Variants in MYLK observed in about 807,000 individuals in gnomAD.
MYLK encodes the protein myosin light chain kinase, smooth muscle.
In MYLK, 106 loss-of-function variants were observed where a neutral mutation model predicts 203.4. That is an observed-to-expected ratio of 0.52 (90% CI 0.45 to 0.61). The LOEUF (loss-of-function observed/expected upper bound fraction) is 0.61. Among genes scored for constraint, MYLK ranks in the 20% least tolerant of loss-of-function variants. The pLI, the probability that MYLK is intolerant of heterozygous loss-of-function variation, is 0.00. For missense variants in MYLK, 2,072 were observed against 2,442.3 expected (o/e 0.85, Z 3.20); for synonymous variants, 867 against 959.5 (o/e 0.90, Z 1.78).
intron 13 of MYLK, among the ~76,000 whole-genome samples, chr3:123,721,496 T>C (rs1200871475): frequency 6.6e-6 from 1 of 152,176 alleles, no homozygotes; most frequent in Non-Finnish European, 1.5e-5. Flanking sequence ...ACTAAGTGCT[T>C]GGCTGATGAA....
intron 1 of MYLK, among the ~76,000 whole-genome samples, chr3:123,879,938 G>A (rs2033420861): frequency 6.6e-6 from 1 of 152,186 alleles, no homozygotes; most frequent in African/African-American, 2.4e-5. Flanking sequence ...ACAGGCGTGA[G>A]CCACCGTGCC....
At chr3:123,661,007 G>A (rs1235601269) in intron 23 of MYLK, among the ~76,000 whole-genome samples, 3 of 152,188 alleles carry the variant, frequency 2.0e-5, no homozygotes, top group Admixed American at 6.5e-5. Context: ...AGTTCTTTGA[G>A]GGGGAGGCAG....
chr3:123,754,561 G>T (rs1379071312), intron 4 of MYLK, among the ~76,000 whole-genome samples: 1 of 152,178 alleles, frequency 6.6e-6, no homozygotes, highest in Non-Finnish European at 1.5e-5. Flanking sequence ...CAAAACAAGT[G>T]TTCCAGAACT....
At chr3:123,830,865 G>A (rs540289251) in intron 3 of MYLK, among the ~76,000 whole-genome samples, 1 of 152,118 alleles carries the variant, frequency 6.6e-6, no homozygotes. Flanking sequence ...AATCCCAAAC[G>A]ATCACCCACA....
intron 2 of MYLK, among the ~76,000 whole-genome samples, chr3:123,872,952 C>G (rs2032900239): frequency 6.6e-6 from 1 of 152,014 alleles, no homozygotes; most frequent in Non-Finnish European, 1.5e-5. Flanking sequence ...ACAATCAGCC[C>G]CCATCCTGAA....
chr3:123,671,265 T>C (rs564162615), intron 20 of MYLK, among the ~76,000 whole-genome samples: 2 of 152,360 alleles, frequency 1.3e-5, no homozygotes, highest in South Asian at 4.1e-4. Flanking sequence ...AGGATCAGAA[T>C]TCCAGAGGGA....
At chr3:123,646,849 C>T (rs1215921363) in intron 27 of MYLK, 1 of 252,824 alleles carries the variant, frequency 4.0e-6, no homozygotes, top group African/African-American at 2.2e-5. Flanking sequence ...GGAAGCTGCC[C>T]TGTCCCTCCC....
intron 20 of MYLK, among the ~76,000 whole-genome samples, chr3:123,669,153 G>A (rs1200943354): frequency 6.6e-6 from 1 of 152,214 alleles, no homozygotes; most frequent in Non-Finnish European, 1.5e-5. Flanking sequence ...AGTGATCCCT[G>A]GCAGGGGCAC....
intron 29 of MYLK, among the ~76,000 whole-genome samples, chr3:123,637,665 T>C (rs2058689754): frequency 6.6e-6 from 1 of 152,176 alleles, no homozygotes; most frequent in African/African-American, 2.4e-5. Context: ...TGCTATGCCC[T>C]GAAGACAATG....
At chr3:123,878,317 T>C (rs904291297) in intron 1 of MYLK, among the ~76,000 whole-genome samples, 1 of 152,198 alleles carries the variant, frequency 6.6e-6, no homozygotes, top group Admixed American at 6.5e-5. Flanking sequence ...CCACGTCACA[T>C]AGCAGAAGAC....
intron 24 of MYLK, among the ~76,000 whole-genome samples, chr3:123,656,816 AG>A (rs1336832718): frequency 6.6e-6 from 1 of 152,242 alleles, no homozygotes; most frequent in East Asian, 1.9e-4. Context: ...GGAGAAGAGA[AG>A]GGGTGGAGGG....
At chr3:123,718,201 C>T (rs1487519370) in intron 13 of MYLK, among the ~76,000 whole-genome samples, 1 of 152,132 alleles carries the variant, frequency 6.6e-6, no homozygotes, top group African/African-American at 2.4e-5. Context: ...AGATTTCCTG[C>T]ACACCCTAAT....
Position 123,620,246 on chromosome 3 carries a change from G to A in MYLK, c.5329C>T (p.Pro1777Ser), listed in dbSNP as rs748200926. 47 of 1,614,140 alleles carry A rather than the reference G, an allele frequency of 2.9e-5. No homozygotes were observed. Among genetic ancestry groups the A allele is most frequent in the Admixed American group, 5.0e-5 (3 of 60,008 alleles). The part of the protein sequence containing the change: ...LSGRKSSTGS[P>S]TSPLNAEKLE... ...TTTTCTGCATTGAGCGGGCTGGTTG[G>A]TGACCCTGTTGAGGATTTCCTGCCA... The change falls in exon 32 of 34, where the codon CCA (proline) becomes TCA (serine). Residue 1777 changes from proline (P) to serine (S), a missense_variant. Coordinates refer to ENST00000360304, the MANE Select transcript of MYLK (RefSeq NM_053025.4).
chr3:123,882,117 C>T (rs1410138597), intron 1 of MYLK, among the ~76,000 whole-genome samples: 4 of 152,202 alleles, frequency 2.6e-5, no homozygotes, highest in Non-Finnish European at 4.4e-5. Flanking sequence ...GTGAGCAAAC[C>T]TCACACAAAC....
At chr3:123,678,455 G>A (rs890518307) in intron 20 of MYLK, among the ~76,000 whole-genome samples, 2 of 151,934 alleles carry the variant, frequency 1.3e-5, no homozygotes, top group African/African-American at 2.4e-5. Flanking sequence ...CTCTCACCCC[G>A]TCCTTGCTTG....
chr3:123,858,508 A>C (rs1577136952), intron 2 of MYLK, among the ~76,000 whole-genome samples: 1 of 152,238 alleles, frequency 6.6e-6, no homozygotes, highest in Non-Finnish European at 1.5e-5. Context: ...TCTGGTAAGA[A>C]CCTTCCTGCT....
rs368068281 is a variant in MYLK, at chr3:123,640,438, G to A, written c.4686C>T (p.Cys1562=). ...DEDFELTERE[C]IKYMRQISEG... is the part of the protein sequence containing the mutation. ...CCGAGATCTGCCGCATGTACTTGAT[G>A]CACTCACGCTCCGTCAGCTCAAAGT... The change falls in exon 28 of 34, where the codon TGC becomes TGT. Residue 1562 remains cysteine (C), a synonymous_variant. Transcript: ENST00000360304. The surrounding 1 kb of genome is among the most constrained non-coding windows in gnomAD (Gnocchi z 4.3). 2 of 1,613,896 alleles carry A rather than the reference G, an allele frequency of 1.2e-6. No individual in the cohort carries two copies. The highest frequency in any genetic ancestry group is 1.3e-5 in the African/African-American group (1 of 74,858).
chr3:123,814,808 T>C (rs1824062), intron 3 of MYLK, among the ~76,000 whole-genome samples: 2,382 of 152,006 alleles, frequency 0.016, 32 homozygotes, highest in South Asian at 0.064. Flanking sequence ...TTCTTTCTTT[T>C]TTTAGATGGA....
intron 19 of MYLK, among the ~76,000 whole-genome samples, chr3:123,687,765 A>G (rs1298621378): frequency 6.6e-6 from 1 of 151,414 alleles, no homozygotes; most frequent in African/African-American, 2.4e-5. Flanking sequence ...TCAACCTCCC[A>G]TGCTCAAGCT....
Sources: allele counts gnomAD v4.1 joint callset (sites outside exome capture counted in the v4.1 genomes callset), GRCh38; gene constraint gnomAD v4.1.1; non-coding constraint Gnocchi (gnomAD v3.1); transcripts MANE v1.5; gene names NCBI Gene and HGNC (gene_info 2026-07-23, HGNC 2026-07-21).